Variants in KMT5B observed in about 807,000 individuals in gnomAD.
The protein encoded by KMT5B is lysine methyltransferase 5B.
KMT5B carries 10 observed loss-of-function variants against 83.2 expected under a neutral mutation model. That is an observed-to-expected ratio of 0.12 (90% CI 0.07 to 0.20). KMT5B has a LOEUF of 0.20. Ranked by LOEUF, KMT5B falls within the 10% of genes least tolerant of loss-of-function variation. The pLI, the probability that KMT5B is intolerant of heterozygous loss-of-function variation, is 1.00. For missense variants in KMT5B, 753 were observed against 1,067.2 expected, an observed-to-expected ratio of 0.71 and a Z score of 4.10; for synonymous variants, 349 against 388.8, an observed-to-expected ratio of 0.90 and a Z score of 1.20.
chr11:68,205,282 C>T (rs1247403758), intron 1 of KMT5B, among the ~76,000 whole-genome samples: 1 of 152,120 alleles, frequency 6.6e-6, no homozygotes, highest in Admixed American at 6.6e-5. Context: ...CATGCCACTG[C>T]ACTCCAGCCT....
At chr11:68,172,847 C>A (rs1331211095) in intron 6 of KMT5B, among the ~76,000 whole-genome samples, 2 of 152,074 alleles carry the variant, frequency 1.3e-5, no homozygotes, top group Non-Finnish European at 2.9e-5. Flanking sequence ...AGAGGCCTGG[C>A]AATAAAGTTC....
chr11:68,181,111 G>T (rs1338693060), intron 3 of KMT5B, among the ~76,000 whole-genome samples: 4 of 143,082 alleles, frequency 2.8e-5, no homozygotes, highest in African/African-American at 1.0e-4. Flanking sequence ...GTCTCACTCT[G>T]TTGCCCAGGC....
intron 2 of KMT5B, among the ~76,000 whole-genome samples, chr11:68,188,837 A>G (rs1332145684): frequency 6.6e-6 from 1 of 152,198 alleles, no homozygotes; most frequent in African/African-American, 2.4e-5. Context: ...TCACGTTCAC[A>G]CTAGCTGCTA....
At chr11:68,198,297 T>C (rs1459129442) in intron 1 of KMT5B, among the ~76,000 whole-genome samples, 2 of 151,974 alleles carry the variant, frequency 1.3e-5, no homozygotes, top group Admixed American at 1.3e-4. Flanking sequence ...GGCAGGAGAA[T>C]AGCTTCAACC....
intron 5 of KMT5B, 53 bp from the exon 6 acceptor site, chr11:68,173,966 A>C: frequency 8.1e-7 from 1 of 1,231,262 alleles, no homozygotes; most frequent in Non-Finnish European, 1.2e-6. Context: ...ACCCTGCTAG[A>C]CTTTCTTACA....
At chr11:68,197,439 G>T (rs752494141) in intron 1 of KMT5B, among the ~76,000 whole-genome samples, 2 of 152,046 alleles carry the variant, frequency 1.3e-5, no homozygotes, top group Non-Finnish European at 1.5e-5. Flanking sequence ...TTAGGGCAAA[G>T]AATAGATACA....
intron 10 of KMT5B, among the ~76,000 whole-genome samples, chr11:68,160,720 G>T (rs950149093): frequency 6.6e-6 from 1 of 152,090 alleles, no homozygotes; most frequent in African/African-American, 2.4e-5. Flanking sequence ...AGAATAGAAG[G>T]CTCTGCACCT....
intron 2 of KMT5B, 124 bp downstream of exon 2, chr11:68,189,792 AT>A: frequency 1.1e-6 from 1 of 887,918 alleles, no homozygotes; most frequent in Non-Finnish European, 1.7e-6. Context: ...AAAAGACTAT[AT>A]TGTTAATTAT....
intron 4 of KMT5B, 93 bp downstream of exon 4, chr11:68,180,039 G>A (rs925012437): frequency 3.5e-5 from 48 of 1,376,748 alleles, no homozygotes; most frequent in Admixed American, 5.3e-5. Context: ...TCTAATTTAT[G>A]CTGACACTTC....
intron 1 of KMT5B, among the ~76,000 whole-genome samples, chr11:68,194,034 G>A (rs1279323703): frequency 6.6e-6 from 1 of 151,894 alleles, no homozygotes; most frequent in Non-Finnish European, 1.5e-5. Context: ...TGGTCCATTG[G>A]GAGCCTTGGA....
intron 1 of KMT5B, among the ~76,000 whole-genome samples, chr11:68,205,821 C>T (rs926759454): frequency 6.6e-6 from 1 of 152,084 alleles, no homozygotes; most frequent in Admixed American, 6.5e-5. Flanking sequence ...AGGGTTTCAC[C>T]GTGTTAGGCA....
rs374149012 is a variant in KMT5B, at chr11:68,175,913, TG to T, written c.378-731del. Among the ~76,000 whole-genome samples the T allele has an allele frequency of 4.5e-3, 664 of 146,200 alleles. 7 individuals carry two copies. The highest frequency in any genetic ancestry group is 0.016 in the African/African-American group (598 of 38,544). On this transcript the variant is annotated intron_variant, in intron 4 of 10. Coordinates refer to ENST00000304363, the MANE Select transcript of KMT5B (RefSeq NM_017635.5). ...TGTAGGAAAACTGATGGGGTAGAGT[TG>T]TTTTTTTTTTTTTTTTTTGAGATGG...
rs76343151 is a variant in KMT5B at position 68,199,355 on chromosome 11, T to C, written c.-76-9203A>G. 0.013 allele frequency among the ~76,000 whole-genome samples: 2,020 copies of C among 152,178 alleles called. 147 individuals are homozygous for C. In the East Asian group the frequency reaches 0.22, roughly 17 times the overall value. On this transcript the variant is annotated intron_variant, in intron 1 of 10. Coordinates refer to ENST00000304363, the MANE Select transcript of KMT5B (RefSeq NM_017635.5). ...TGTTTCAGGTGGAGAAGGAGGGTGA[T>C]AGTGGCTGTTTTCTAAGACAGCAAG...
rs1472156961 is a variant in KMT5B, at chr11:68,156,718, G to A, written c.*970C>T. 6.6e-6 allele frequency: 1 copy of A among 152,318 alleles called. No homozygotes were observed. The highest frequency in any genetic ancestry group is 1.5e-5 in the Non-Finnish European group (1 of 67,964). 9.4% of individuals were successfully genotyped at this position (152,318 alleles called of 1,614,324 possible). A position where few individuals can be genotyped will look rare whatever the true frequency, so the allele number is the denominator to read the frequency against. On this transcript the variant is annotated 3_prime_UTR_variant, in exon 11 of 11. Coordinates refer to ENST00000304363, the MANE Select transcript of KMT5B (RefSeq NM_017635.5). ...ATCTCAAAGACAAACTTTTTTTATAGGTTACCACAGAACAAAAGCTGTGAC... is the reference window on the plus strand; with the variant it reads ...ATCTCAAAGACAAACTTTTTTTATAAGTTACCACAGAACAAAAGCTGTGAC...
intron 1 of KMT5B, among the ~76,000 whole-genome samples, chr11:68,205,352 C>T (rs939390237): frequency 6.6e-6 from 1 of 152,008 alleles, no homozygotes; most frequent in Non-Finnish European, 1.5e-5. Context: ...TTAAATCATA[C>T]ACTATCCTTC....
intron 9 of KMT5B, among the ~76,000 whole-genome samples, 191 bp from the exon 10 acceptor site, chr11:68,167,369 A>G (rs1855408203): frequency 6.6e-6 from 1 of 152,118 alleles, no homozygotes; most frequent in Non-Finnish European, 1.5e-5. Context: ...CTTTAAATCT[A>G]TATTTAAAAT....
upstream of KMT5B, chr11:68,213,444 C>T (rs970568389): frequency 6.8e-6 from 1 of 146,010 alleles, no homozygotes; most frequent in Non-Finnish European, 1.5e-5. Flanking sequence ...GCCCCCGGCG[C>T]CCGCCCCCGC....
rs185393936 is a variant in KMT5B, at chr11:68,171,913, C to T, written c.654-204G>A. Among the ~76,000 whole-genome samples, 7 of 152,270 alleles carry T rather than the reference C, an allele frequency of 4.6e-5. No homozygotes were observed. In the East Asian group the frequency reaches 1.4e-3, roughly 29 times the overall value. Reference sequence around the variant, plus strand: ...CCTTGTGCCATGGTTACTTGTGTACCTATCTTATTCCTGCAAGAGAATGGA... The same window carrying T: ...CCTTGTGCCATGGTTACTTGTGTACTTATCTTATTCCTGCAAGAGAATGGA... On this transcript the variant is annotated intron_variant, in intron 6 of 10. Transcript: ENST00000304363. The surrounding 1 kb of genome is among the most constrained non-coding windows in gnomAD (Gnocchi z 5.1).
intron 10 of KMT5B, 68 bp downstream of exon 10, chr11:68,166,912 GCA>G: frequency 6.3e-7 from 1 of 1,587,616 alleles, no homozygotes. Flanking sequence ...AACTACTGAA[GCA>G]CACTTTATAA....
Sources: allele counts gnomAD v4.1 joint callset (sites outside exome capture counted in the v4.1 genomes callset), GRCh38; gene constraint gnomAD v4.1.1; non-coding constraint Gnocchi (gnomAD v3.1); transcripts MANE v1.5; gene names NCBI Gene and HGNC (gene_info 2026-07-23, HGNC 2026-07-21).